NRG3: variants seen among roughly 807,000 people sequenced by gnomAD.
NRG3 encodes the protein neuregulin 3, also known as pro-neuregulin-3, membrane-bound isoform.
NRG3 carries 31 observed loss-of-function variants against 66.9 expected under a neutral mutation model. The observed-to-expected ratio is 0.46, with a 90% CI of 0.35 to 0.63. The LOEUF (loss-of-function observed/expected upper bound fraction) is 0.63. Among genes scored for constraint, NRG3 ranks in the 20% least tolerant of loss-of-function variants. The pLI, the probability that NRG3 is intolerant of heterozygous loss-of-function variation, is 0.00. For missense variants in NRG3, 910 were observed against 878.9 expected, an observed-to-expected ratio of 1.04 and a Z score of -0.45; for synonymous variants, 393 against 359.4, an observed-to-expected ratio of 1.09 and a Z score of -1.06.
Position 82,362,548 on chromosome 10 carries a change from G to GTTTTTTT in NRG3, c.953+3695_953+3701dup, listed in dbSNP as rs10694679. 1.1e-3 allele frequency among the ~76,000 whole-genome samples: 92 copies of GTTTTTTT among 83,182 alleles called. 5 individuals carry two copies. Among genetic ancestry groups the GTTTTTTT allele is most frequent in the African/African-American group, 2.8e-3 (56 of 20,176 alleles). 54.6% of individuals were successfully genotyped at this position (83,182 alleles called of 152,430 possible). A position where few individuals can be genotyped will look rare whatever the true frequency, so the allele number is the denominator to read the frequency against. ...ACCACCATGCCCAGATAATTTCTGG[G>GTTTTTTT]TTTTTTTTTTTTTTTTTTTTTCGTA... On this transcript the variant is annotated intron_variant, in intron 2 of 8. Coordinates refer to ENST00000372141, the MANE Select transcript of NRG3 (RefSeq NM_001010848.4).
chr10:82,847,673 G>A (rs2063367019), intron 3 of NRG3, among the ~76,000 whole-genome samples: 1 of 152,096 alleles, frequency 6.6e-6, no homozygotes. Context: ...TATTTTGATG[G>A]TGGAGACTAC....
chr10:82,066,004 C>G (rs1030441772), intron 1 of NRG3, among the ~76,000 whole-genome samples: 1 of 151,990 alleles, frequency 6.6e-6, no homozygotes. Flanking sequence ...ATTGTCTTAA[C>G]CTTTACTTTT....
chr10:82,528,042 C>A (rs1846893942), intron 2 of NRG3, among the ~76,000 whole-genome samples: 1 of 152,096 alleles, frequency 6.6e-6, no homozygotes, highest in Admixed American at 6.6e-5. Flanking sequence ...CCTCCTTTCC[C>A]CCAGCCTTCC....
chr10:82,575,875 T>G (rs772849473), intron 2 of NRG3, among the ~76,000 whole-genome samples: 6 of 151,756 alleles, frequency 4.0e-5, no homozygotes, highest in Non-Finnish European at 7.4e-5. Context: ...AAACAATTTC[T>G]CATGCATGAG....
intron 1 of NRG3, chr10:81,877,992 G>T (rs866546244): frequency 4.6e-6 from 7 of 1,537,624 alleles, no homozygotes; most frequent in Non-Finnish European, 5.2e-6. Flanking sequence ...ACCCTTGTAT[G>T]CGTTGGGAGA....
At chr10:82,320,869 C>G (rs1370789450) in intron 1 of NRG3, among the ~76,000 whole-genome samples, 2 of 152,190 alleles carry the variant, frequency 1.3e-5, no homozygotes, top group Non-Finnish European at 2.9e-5. Context: ...ATCTGCTATA[C>G]TTTGCTCATA....
chr10:82,787,793 A>C (rs2060430611), intron 3 of NRG3, among the ~76,000 whole-genome samples: 1 of 152,210 alleles, frequency 6.6e-6, no homozygotes, highest in Non-Finnish European at 1.5e-5. Flanking sequence ...AGTCAAATAC[A>C]AATGTCAAGG....
chr10:82,137,144 C>T (rs1358404541), intron 1 of NRG3, among the ~76,000 whole-genome samples: 1 of 152,106 alleles, frequency 6.6e-6, no homozygotes, highest in Non-Finnish European at 1.5e-5. Context: ...GTTCCCCCTC[C>T]CTAAGCTCCT....
chr10:82,733,097 C>G (rs1295547135), intron 2 of NRG3, among the ~76,000 whole-genome samples: 1 of 152,154 alleles, frequency 6.6e-6, no homozygotes, highest in East Asian at 1.9e-4. Flanking sequence ...CCTTGTGAAG[C>G]TAATTGATTT....
At chr10:82,006,045 A>G (rs2061366509) in intron 1 of NRG3, among the ~76,000 whole-genome samples, 1 of 152,088 alleles carries the variant, frequency 6.6e-6, no homozygotes, top group Non-Finnish European at 1.5e-5. Context: ...TCAGCTGTGT[A>G]ATGCTAAATA....
At chr10:82,748,433 A>C (rs7899121) in intron 3 of NRG3, among the ~76,000 whole-genome samples, 13,003 of 151,432 alleles carry the variant, frequency 0.086, 1,735 homozygotes, top group African/African-American at 0.28. Context: ...AGGCAAAACT[A>C]TACACTCACC....
At chr10:82,402,926 C>G (rs1471551174) in intron 2 of NRG3, among the ~76,000 whole-genome samples, 1 of 152,078 alleles carries the variant, frequency 6.6e-6, no homozygotes, top group African/African-American at 2.4e-5. Context: ...AAATGTATCT[C>G]AATAATTGAG....
chr10:82,861,317 T>C (rs1393414769), intron 3 of NRG3, among the ~76,000 whole-genome samples: 1 of 152,174 alleles, frequency 6.6e-6, no homozygotes, highest in Non-Finnish European at 1.5e-5. Context: ...AATACAAAAA[T>C]ATAAATGCCA....
At chr10:82,533,290 A>G (rs2790710) in intron 2 of NRG3, among the ~76,000 whole-genome samples, 72,449 of 151,750 alleles carry the variant, frequency 0.48, 20,683 homozygotes, top group African/African-American at 0.8. Context: ...CTGGAGCTTC[A>G]TAGTTTGATG....
chr10:82,541,423 G>A lies in NRG3; in HGVS notation c.953+182555G>A, dbSNP rs1049598087. Among the ~76,000 whole-genome samples, 9 of 152,070 alleles carry A rather than the reference G, an allele frequency of 5.9e-5. No individual in the cohort carries two copies. In the East Asian group the frequency reaches 9.8e-4, roughly 16 times the overall value. The stretch of plus-strand genomic sequence containing the variant: ...CACGTCTCCAAAAACTGAGCTCCCC[G>A]AGTGAGCAATTCCTGTCCCTTTTAA... On this transcript the variant is annotated intron_variant, in intron 2 of 8. Coordinates refer to ENST00000372141, the MANE Select transcript of NRG3 (RefSeq NM_001010848.4).
At chr10:82,758,934 AC>A (rs921903655) in intron 3 of NRG3, among the ~76,000 whole-genome samples, 41 of 152,064 alleles carry the variant, frequency 2.7e-4, no homozygotes, top group Non-Finnish European at 5.0e-4. Context: ...ATAGACCATC[AC>A]CACCCAAATC....
At chr10:81,915,543 A>T (rs1458852213) in intron 1 of NRG3, among the ~76,000 whole-genome samples, 1 of 149,866 alleles carries the variant, frequency 6.7e-6, no homozygotes, top group East Asian at 2.0e-4. Flanking sequence ...AATGTTGGAA[A>T]ATATCCTTGG....
At chr10:82,848,299 C>T (rs2063401717) in intron 3 of NRG3, among the ~76,000 whole-genome samples, 1 of 152,182 alleles carries the variant, frequency 6.6e-6, no homozygotes, top group Admixed American at 6.5e-5. Flanking sequence ...CAAGGTAACC[C>T]AGATGTGAGG....
At chr10:82,229,764 G>A (rs2076359965) in intron 1 of NRG3, among the ~76,000 whole-genome samples, 1 of 152,024 alleles carries the variant, frequency 6.6e-6, no homozygotes, top group Non-Finnish European at 1.5e-5. Context: ...CCTCCCATGA[G>A]GATTACAATT....
Sources: allele counts gnomAD v4.1 joint callset (sites outside exome capture counted in the v4.1 genomes callset), GRCh38; gene constraint gnomAD v4.1.1; transcripts MANE v1.5; gene names NCBI Gene and HGNC (gene_info 2026-07-23, HGNC 2026-07-21).